The following BBS9 variants were observed in gnomAD, a reference collection of about 807,000 sequenced individuals.
The protein encoded by BBS9 is protein PTHB1.
Under a neutral mutation model 117.7 loss-of-function variants are expected in BBS9, and 89 were observed. That is an observed-to-expected ratio of 0.76 (90% CI 0.64 to 0.90). The LOEUF (loss-of-function observed/expected upper bound fraction) is 0.90. Ranked by LOEUF, BBS9 falls within the 40% of genes least tolerant of loss-of-function variation. The pLI, the probability that BBS9 is intolerant of heterozygous loss-of-function variation, is 0.00. For synonymous variants in BBS9, 379 were observed against 370.9 expected (o/e 1.02, Z -0.25); for missense variants, 982 against 1,042.2 (o/e 0.94, Z 0.80).
At position 33,352,849 on chromosome 7, in the gene BBS9, T is replaced by A. The variant is rs746726515; in HGVS notation, c.1538-10T>A. On this transcript the variant is annotated splice_polypyrimidine_tract_variant and intron_variant, in intron 14 of 22. Transcript: ENST00000242067. The stretch of plus-strand genomic sequence containing the variant: ...CCCCTACCCATTTTTGCATTGCCTG[T>A]GATGGACAGATCGAAATCCTGATGG... The A allele has an allele frequency of 1.2e-6, 2 of 1,612,800 alleles. No individual in the cohort carries two copies. Among genetic ancestry groups the A allele is most frequent in the South Asian group, 2.2e-5 (2 of 91,046 alleles).
At chr7:33,345,811 G>A (rs1311234064) in intron 12 of BBS9, among the ~76,000 whole-genome samples, 1 of 152,148 alleles carries the variant, frequency 6.6e-6, no homozygotes, top group Non-Finnish European at 1.5e-5. Context: ...ACACATACAT[G>A]TAATAATTTA....
At chr7:33,553,077 T>C (rs1251288653) in intron 21 of BBS9, among the ~76,000 whole-genome samples, 1 of 152,114 alleles carries the variant, frequency 6.6e-6, no homozygotes, top group Non-Finnish European at 1.5e-5. Context: ...ACATTCCCTC[T>C]CCTGTACCCG....
intron 9 of BBS9, among the ~76,000 whole-genome samples, chr7:33,303,516 A>ACCC (rs1373664820): frequency 2.8e-5 from 2 of 71,800 alleles, no homozygotes; most frequent in Non-Finnish European, 5.7e-5. Flanking sequence ...AACTGAAATG[A>ACCC]TCCCCTCCCC....
At chr7:33,332,054 A>G (rs1814189329) in intron 9 of BBS9, among the ~76,000 whole-genome samples, 1 of 152,182 alleles carries the variant, frequency 6.6e-6, no homozygotes. Flanking sequence ...TTCAAATTAT[A>G]CTACAAGGCT....
At chr7:33,243,218 T>A (rs913583570) in intron 5 of BBS9, among the ~76,000 whole-genome samples, 3 of 152,252 alleles carry the variant, frequency 2.0e-5, no homozygotes, top group Non-Finnish European at 4.4e-5. Flanking sequence ...TTCTTTAGCC[T>A]TCCTTGTTTA....
chr7:33,206,317 A>G (rs1343268063), intron 5 of BBS9, among the ~76,000 whole-genome samples: 1 of 152,176 alleles, frequency 6.6e-6, no homozygotes, highest in Non-Finnish European at 1.5e-5. Context: ...TAAACTATCT[A>G]ATTTAAGCCA....
intron 9 of BBS9, among the ~76,000 whole-genome samples, chr7:33,291,152 G>T (rs1803968324): frequency 6.6e-6 from 1 of 152,020 alleles, no homozygotes; most frequent in Non-Finnish European, 1.5e-5. Context: ...TTATCAGATA[G>T]AATTTGTGTT....
At chr7:33,226,538 T>A (rs1267060549) in intron 5 of BBS9, among the ~76,000 whole-genome samples, 1 of 152,174 alleles carries the variant, frequency 6.6e-6, no homozygotes, top group Non-Finnish European at 1.5e-5. Flanking sequence ...CTCCACTCTG[T>A]GTATATGTCC....
intron 4 of BBS9, among the ~76,000 whole-genome samples, chr7:33,157,015 TGGA>T (rs566556073): frequency 5.6e-4 from 85 of 152,276 alleles, no homozygotes; most frequent in African/African-American, 2.0e-3. Context: ...ACACAAGCCA[TGGA>T]GGAGAATTTG....
chr7:33,596,136 T>G (rs776730199), intron 21 of BBS9, among the ~76,000 whole-genome samples: 1 of 151,772 alleles, frequency 6.6e-6, no homozygotes, highest in East Asian at 1.9e-4. Flanking sequence ...CACATATACC[T>G]TTGTAACAAA....
chr7:33,160,605 T>C (rs1794696953), intron 4 of BBS9, among the ~76,000 whole-genome samples: 1 of 152,222 alleles, frequency 6.6e-6, no homozygotes, highest in South Asian at 2.1e-4. Context: ...GTCTATATCA[T>C]GGATACCATC....
At chr7:33,245,485 G>T (rs1323791895) in intron 5 of BBS9, among the ~76,000 whole-genome samples, 1 of 152,054 alleles carries the variant, frequency 6.6e-6, no homozygotes, top group Non-Finnish European at 1.5e-5. Flanking sequence ...AATTATTTCA[G>T]GACTTTCACC....
chr7:33,281,486 A>G (rs905929532), intron 9 of BBS9, among the ~76,000 whole-genome samples: 1 of 144,642 alleles, frequency 6.9e-6, no homozygotes, highest in Non-Finnish European at 1.5e-5. Flanking sequence ...CAATCCTCTC[A>G]CTTCAGCCCC....
chr7:33,484,179 A>G (rs1045821489), intron 19 of BBS9, among the ~76,000 whole-genome samples: 2 of 152,226 alleles, frequency 1.3e-5, no homozygotes, highest in African/African-American at 4.8e-5. Context: ...AATCAAATTC[A>G]GCAGAAGTTA....
chr7:33,142,941 A>C (rs1369779075), intron 1 of BBS9, among the ~76,000 whole-genome samples: 2 of 152,028 alleles, frequency 1.3e-5, no homozygotes, highest in African/African-American at 4.8e-5. Flanking sequence ...TCCACCAAGA[A>C]GTGGGATGGC....
At position 33,505,365 on chromosome 7, in the gene BBS9, A is replaced by C. The variant is rs1846001982; in HGVS notation, c.2116-98A>C. 5 of 1,151,126 alleles carry C rather than the reference A, an allele frequency of 4.3e-6. No homozygotes were observed. The Admixed American group carries it at 5.1e-5, about 12-fold the overall frequency. The allele number at this position is 1,151,126 out of a possible 1,614,324, so 71.3% of individuals were successfully genotyped here. A position where few individuals can be genotyped will look rare whatever the true frequency, so the allele number is the denominator to read the frequency against. ...GTGTTTGTGGAAGACAAAGTTCATC[A>C]AGTTGTCTTGAAGAAAAACAAAAGT... On this transcript the variant is annotated intron_variant, in intron 19 of 22. Transcript: ENST00000242067.
intron 19 of BBS9, among the ~76,000 whole-genome samples, chr7:33,422,420 T>G (rs1584767992): frequency 6.6e-6 from 1 of 152,364 alleles, no homozygotes; most frequent in East Asian, 1.9e-4. Flanking sequence ...TCTTTCTAAC[T>G]TCTAGCCCAT....
At chr7:33,146,993 T>G (rs1792503155) in intron 2 of BBS9, among the ~76,000 whole-genome samples, 1 of 152,144 alleles carries the variant, frequency 6.6e-6, no homozygotes, top group Non-Finnish European at 1.5e-5. Context: ...TTGAAAAATT[T>G]CCTTTTGTAG....
chr7:33,135,790 A>G (rs1790364921), intron 1 of BBS9, among the ~76,000 whole-genome samples: 1 of 152,180 alleles, frequency 6.6e-6, no homozygotes, highest in South Asian at 2.1e-4. Flanking sequence ...TCCTAACAAT[A>G]TTGAGTCTTC....
Sources: gnomAD v4.1 joint callset for allele counts (sites outside exome capture counted in the v4.1 genomes callset) on GRCh38, gnomAD v4.1.1 for gene constraint, MANE v1.5 for transcripts, NCBI Gene and HGNC (gene_info 2026-07-23, HGNC 2026-07-21) for gene names.